The following ACOXL variants were observed in gnomAD, a reference collection of about 807,000 sequenced individuals.
ACOXL encodes acyl-coenzyme A oxidase-like protein.
Under a neutral mutation model 71.9 loss-of-function variants are expected in ACOXL, and 70 were observed. The observed-to-expected ratio is 0.97, with a 90% CI of 0.80 to 1.19. The LOEUF is 1.19. Ranked by LOEUF, ACOXL falls within the 50% of genes most tolerant of loss-of-function variation. The pLI, the probability that ACOXL is intolerant of heterozygous loss-of-function variation, is 0.00. For missense variants in ACOXL, 703 were observed against 736.3 expected (o/e 0.95, Z 0.52); for synonymous variants, 253 against 281.6 (o/e 0.90, Z 1.02).
At chr2:110,974,332 G>T (rs995196292) in intron 12 of ACOXL, among the ~76,000 whole-genome samples, 1 of 152,358 alleles carries the variant, frequency 6.6e-6, no homozygotes, top group Non-Finnish European at 1.5e-5. Context: ...GCTGTCCCAT[G>T]ATTGAGGGGA....
chr2:111,024,783 T>G (rs1182652795), intron 14 of ACOXL, among the ~76,000 whole-genome samples: 1 of 152,032 alleles, frequency 6.6e-6, no homozygotes, highest in East Asian at 1.9e-4. Flanking sequence ...GACAACTGCC[T>G]GTTCTCATTG....
chr2:110,992,589 C>T (rs1338266054), intron 13 of ACOXL, among the ~76,000 whole-genome samples: 1 of 152,200 alleles, frequency 6.6e-6, no homozygotes, highest in Non-Finnish European at 1.5e-5. Context: ...CCCCTCATTT[C>T]GGCCTGGAAG....
At chr2:110,863,282 A>G (rs1004566431) in intron 10 of ACOXL, among the ~76,000 whole-genome samples, 2 of 152,244 alleles carry the variant, frequency 1.3e-5, no homozygotes, top group Non-Finnish European at 2.9e-5. Flanking sequence ...AGAGTTTTTA[A>G]TAACATGGAG....
intron 15 of ACOXL, among the ~76,000 whole-genome samples, chr2:111,040,369 A>G (rs751553937): frequency 1.3e-5 from 2 of 152,200 alleles, no homozygotes; most frequent in Non-Finnish European, 2.9e-5. Context: ...GTAACTATGG[A>G]GCTGCCCCTC....
intron 9 of ACOXL, among the ~76,000 whole-genome samples, chr2:110,812,399 T>C (rs1462559169): frequency 6.6e-6 from 1 of 152,190 alleles, no homozygotes; most frequent in Non-Finnish European, 1.5e-5. Context: ...TTGTACAGAT[T>C]ATTTCATCAC....
chr2:110,875,345 A>AT (rs966239292), intron 10 of ACOXL, among the ~76,000 whole-genome samples: 3 of 152,164 alleles, frequency 2.0e-5, no homozygotes, highest in Admixed American at 6.5e-5. Flanking sequence ...TATTAAGTGT[A>AT]TTTTTTGGAC....
At chr2:110,869,562 G>A (rs1442209992) in intron 10 of ACOXL, among the ~76,000 whole-genome samples, 2 of 152,170 alleles carry the variant, frequency 1.3e-5, no homozygotes, top group African/African-American at 2.4e-5. Context: ...GCTGGGGCTC[G>A]CATCTCTTCC....
intron 1 of ACOXL, among the ~76,000 whole-genome samples, chr2:110,739,910 G>A (rs1284714859): frequency 2.6e-5 from 4 of 152,292 alleles, no homozygotes; most frequent in South Asian, 4.1e-4. Context: ...GTTGGTCCAC[G>A]TGGTTTTATG....
chr2:110,908,722 C>G, intron 10 of ACOXL, 67 bp from the exon 11 acceptor site: 1 of 1,247,612 alleles, frequency 8.0e-7, no homozygotes, highest in Non-Finnish European at 1.2e-6. Context: ...GCATTTTTAG[C>G]TCTGGAAATG....
intron 15 of ACOXL, among the ~76,000 whole-genome samples, chr2:111,047,380 A>G (rs550719968): frequency 6.6e-6 from 1 of 152,330 alleles, no homozygotes; most frequent in Admixed American, 6.5e-5. Context: ...CCTGACCTGC[A>G]CTAAGTAAGA....
intron 1 of ACOXL, among the ~76,000 whole-genome samples, chr2:110,743,361 TG>T (rs1284733446): frequency 6.6e-6 from 1 of 152,226 alleles, no homozygotes; most frequent in Admixed American, 6.5e-5. Flanking sequence ...CCAGGCCACA[TG>T]GGAAAGTGGC....
chr2:110,900,132 T>C (rs1047114614), intron 10 of ACOXL, among the ~76,000 whole-genome samples: 5 of 113,132 alleles, frequency 4.4e-5, no homozygotes, highest in African/African-American at 9.7e-5. Flanking sequence ...CACACACACT[T>C]CTTCTAAAAA....
At chr2:110,765,354 A>G (rs1355592147) in intron 1 of ACOXL, among the ~76,000 whole-genome samples, 1 of 152,096 alleles carries the variant, frequency 6.6e-6, no homozygotes, top group Admixed American at 6.5e-5. Context: ...TAGCTATTAT[A>G]TCTTATACTA....
chr2:111,080,127 G>A (rs1179699705), intron 16 of ACOXL, among the ~76,000 whole-genome samples: 1 of 151,900 alleles, frequency 6.6e-6, no homozygotes, highest in Non-Finnish European at 1.5e-5. Context: ...TTCTTTATTA[G>A]TCTGACTAGC....
intron 14 of ACOXL, among the ~76,000 whole-genome samples, chr2:111,024,167 G>A (rs1017383053): frequency 6.6e-6 from 1 of 152,088 alleles, no homozygotes; most frequent in Non-Finnish European, 1.5e-5. Context: ...GACAAAGAAG[G>A]GCCAGGGCTC....
At chr2:110,905,184 G>T (rs1306600349) in intron 10 of ACOXL, among the ~76,000 whole-genome samples, 1 of 152,086 alleles carries the variant, frequency 6.6e-6, no homozygotes, top group Admixed American at 6.5e-5. Context: ...TGGTTGGTTT[G>T]GTTCTGTTTA....
At chr2:110,946,494 C>G (rs1435576855) in intron 12 of ACOXL, among the ~76,000 whole-genome samples, 1 of 152,134 alleles carries the variant, frequency 6.6e-6, no homozygotes, top group African/African-American at 2.4e-5. Flanking sequence ...CTTTTGCCCA[C>G]TCAGTATGAA....
At chr2:110,754,353 T>A (rs1366522671) in intron 1 of ACOXL, among the ~76,000 whole-genome samples, 1 of 152,090 alleles carries the variant, frequency 6.6e-6, no homozygotes, top group Non-Finnish European at 1.5e-5. Flanking sequence ...ATTACAGGTG[T>A]GAGCCACCAT....
intron 3 of ACOXL, among the ~76,000 whole-genome samples, chr2:110,793,132 T>A (rs1183822848): frequency 6.6e-6 from 1 of 152,212 alleles, no homozygotes; most frequent in Non-Finnish European, 1.5e-5. Context: ...TTGTCCAAGA[T>A]CCTGCAGCCG....
Sources: gnomAD v4.1 joint callset for allele counts (sites outside exome capture counted in the v4.1 genomes callset) on GRCh38, gnomAD v4.1.1 for gene constraint, MANE v1.5 for transcripts, NCBI Gene and HGNC (gene_info 2026-07-23, HGNC 2026-07-21) for gene names.